Variants in NUP133 observed in about 807,000 individuals in gnomAD.
The protein encoded by NUP133 is nuclear pore complex protein Nup133.
A neutral mutation model predicts 146.2 loss-of-function variants in NUP133; 66 were observed. The ratio of observed to expected loss-of-function variants is 0.45; its 90% CI spans 0.37 to 0.55. The LOEUF (loss-of-function observed/expected upper bound fraction) is 0.55. Among genes scored for constraint, NUP133 ranks in the 20% least tolerant of loss-of-function variants. The probability of loss-of-function intolerance (pLI) is 0.00; values close to 1 mark genes in which losing one functional copy is unlikely to be tolerated. For synonymous variants in NUP133, 521 were observed against 498.8 expected, an observed-to-expected ratio of 1.04 and a Z score of -0.59; for missense variants, 1,277 against 1,374.8, an observed-to-expected ratio of 0.93 and a Z score of 1.12.
At chr1:229,504,070 G>C (rs1403046063) in intron 2 of NUP133, among the ~76,000 whole-genome samples, 1 of 151,962 alleles carries the variant, frequency 6.6e-6, no homozygotes, top group Non-Finnish European at 1.5e-5. Context: ...AGCTCCCAAG[G>C]ACCTACAGGC....
chr1:229,452,179 A>G (rs1660467264), intron 22 of NUP133, among the ~76,000 whole-genome samples: 1 of 152,120 alleles, frequency 6.6e-6, no homozygotes, highest in Admixed American at 6.5e-5. Flanking sequence ...TCCTTAATCC[A>G]TTTTTTCTTA....
In NUP133 at chr1:229,496,051, T is replaced by C. The variant is rs202080887; in HGVS notation, c.820-4A>G. The stretch of plus-strand genomic sequence containing the variant: ...TATCCCAGAGAACACTTGAAAGCTA[T>C]TCAGAAAAGAAAAGGAAGTCAAATT... On this transcript the variant is annotated splice_region_variant and splice_polypyrimidine_tract_variant and intron_variant, in intron 6 of 25. Coordinates refer to ENST00000261396, the MANE Select transcript of NUP133 (RefSeq NM_018230.3). 211 of 1,554,242 alleles carry C rather than the reference T, an allele frequency of 1.4e-4. No homozygotes were observed. In the African/African-American group the frequency reaches 2.5e-3, roughly 18 times the overall value.
At chr1:229,469,181 C>T (rs1558096113) in intron 15 of NUP133, among the ~76,000 whole-genome samples, 1 of 152,222 alleles carries the variant, frequency 6.6e-6, no homozygotes, top group Non-Finnish European at 1.5e-5. Context: ...CAGGGAAGAG[C>T]TGGCCCTGTT....
chr1:229,489,446 T>C (rs565191534), intron 9 of NUP133, among the ~76,000 whole-genome samples: 2 of 152,360 alleles, frequency 1.3e-5, no homozygotes, highest in African/African-American at 4.8e-5. Flanking sequence ...GTTGCTTCCA[T>C]TCTCATTTTT....
intron 11 of NUP133, among the ~76,000 whole-genome samples, chr1:229,486,085 C>G (rs1407734350): frequency 6.6e-6 from 1 of 152,086 alleles, no homozygotes; most frequent in Non-Finnish European, 1.5e-5. Flanking sequence ...CTGCTTGATC[C>G]CGGGAGGTTG....
intron 8 of NUP133, among the ~76,000 whole-genome samples, chr1:229,490,303 T>A (rs1247343460): frequency 1.3e-5 from 2 of 152,112 alleles, no homozygotes; most frequent in Non-Finnish European, 2.9e-5. Context: ...GTGGCTTTAT[T>A]CATAATTGCC....
intron 1 of NUP133, among the ~76,000 whole-genome samples, chr1:229,506,456 T>TG (rs1321374450): frequency 6.6e-6 from 1 of 151,642 alleles, no homozygotes; most frequent in Non-Finnish European, 1.5e-5. Flanking sequence ...AGTGTTTTTT[T>TG]TTTTTTTTTT....
chr1:229,505,575 A>AC (rs1661912668), intron 2 of NUP133, among the ~76,000 whole-genome samples: 1 of 147,222 alleles, frequency 6.8e-6, no homozygotes, highest in African/African-American at 2.5e-5. Flanking sequence ...AAAAAAAAAA[A>AC]AAAAAAAAAA....
At chr1:229,505,827 G>A (rs747658939) in intron 2 of NUP133, among the ~76,000 whole-genome samples, 13 of 152,124 alleles carry the variant, frequency 8.5e-5, no homozygotes, top group South Asian at 2.1e-4. Flanking sequence ...GGTGGTGGTT[G>A]CAGTGAGCTG....
intron 12 of NUP133, among the ~76,000 whole-genome samples, chr1:229,480,779 T>G (rs1022970086): frequency 4.0e-5 from 6 of 151,594 alleles, no homozygotes; most frequent in African/African-American, 1.2e-4. Flanking sequence ...CTCCGCCACC[T>G]GGGTTCAAGC....
chr1:229,477,474 T>G, intron 13 of NUP133, 123 bp downstream of exon 13: 1 of 746,262 alleles, frequency 1.3e-6, no homozygotes, highest in Non-Finnish European at 2.0e-6. Context: ...CACAATATTT[T>G]AAAAAATATT....
chr1:229,481,616 T>C (rs1454874861), intron 12 of NUP133, among the ~76,000 whole-genome samples: 1 of 151,452 alleles, frequency 6.6e-6, no homozygotes, highest in South Asian at 2.1e-4. Flanking sequence ...GAAGAATTGC[T>C]TGAACCAGGG....
intron 14 of NUP133, among the ~76,000 whole-genome samples, chr1:229,472,864 T>C (rs1226558529): frequency 6.6e-6 from 1 of 151,838 alleles, no homozygotes; most frequent in Non-Finnish European, 1.5e-5. Context: ...TTCTGAAGTG[T>C]TGGTGTTACT....
At chr1:229,502,326 G>A (rs564908602) in intron 2 of NUP133, among the ~76,000 whole-genome samples, 3 of 152,000 alleles carry the variant, frequency 2.0e-5, no homozygotes, top group Admixed American at 6.6e-5. Flanking sequence ...TTGGGAGGCC[G>A]AGGTGGGAGG....
Position 229,465,473 on chromosome 1 carries a change from A to G in NUP133, c.2246T>C (p.Leu749Ser). The change falls in exon 17 of 26, where the codon TTG becomes TCG. Residue 749 changes from leucine (L) to serine (S), a missense_variant. Leu to Ser is a moderately radical substitution (Grantham distance 145, BLOSUM62 -2). Coordinates refer to ENST00000261396, the MANE Select transcript of NUP133 (RefSeq NM_018230.3). Reference protein sequence around the residue: ...ASHYRQNRNSLYRREESLEKE... With the variant: ...ASHYRQNRNSSYRREESLEKE... ...TTCTAGTGATTCTTCTCTTCTATAC[A>G]AAGAGTTTCTATTTTGGCGATAATG... 1 of 1,614,034 alleles carries G rather than the reference A, an allele frequency of 6.2e-7. No homozygotes were observed. Among genetic ancestry groups the G allele is most frequent in the Non-Finnish European group, 8.5e-7 (1 of 1,179,932 alleles).
intron 8 of NUP133, among the ~76,000 whole-genome samples, chr1:229,493,158 A>T (rs573586373): frequency 2.6e-5 from 4 of 152,318 alleles, no homozygotes; most frequent in African/African-American, 9.6e-5. Flanking sequence ...GTAATCATCT[A>T]GTAAAATAAT....
At position 229,466,709 on chromosome 1, in the gene NUP133, C is replaced by T. The variant is rs114032980; in HGVS notation, c.2124G>A (p.Glu708=). 268 of 1,613,942 alleles carry T rather than the reference C, an allele frequency of 1.7e-4. No individual in the cohort carries two copies. In the African/African-American group the frequency reaches 3.0e-3, roughly 18 times the overall value. ...TICECLLEHE[E]QVLRDAPMDS... ...CCATAGGTGCATCCCTCAAGACTTG[C>T]TCCTCATGCTCCAGTAAGCACTCAC... Residue 708 remains glutamate (E), a synonymous_variant, in exon 16 of 26, where the codon GAG becomes GAA. Transcript: ENST00000261396.
rs183056565 is a variant in NUP133 at position 229,505,610 on chromosome 1, G to A, written c.301+430C>T. Among the ~76,000 whole-genome samples the A allele has an allele frequency of 3.6e-3, 505 of 141,704 alleles. 3 individuals carry two copies. Among genetic ancestry groups the A allele is most frequent in the South Asian group, 0.022 (99 of 4,480 alleles). The allele number at this position is 141,704 out of a possible 152,430, so 93.0% of individuals were successfully genotyped here. On this transcript the variant is annotated intron_variant, in intron 2 of 25. Coordinates refer to ENST00000261396, the MANE Select transcript of NUP133 (RefSeq NM_018230.3). The stretch of plus-strand genomic sequence containing the variant: ...AAAAAAAAACTAAGACAGGTGGCCA[G>A]ATGTGGTGGCTCACGCCTGTAATCC...
In NUP133 at chr1:229,460,654, T is replaced by C; in HGVS notation, c.2801A>G (p.His934Arg). Residue 934 changes from histidine (H) to arginine (R), a missense_variant, in exon 20 of 26, where the codon CAT becomes CGT. Coordinates refer to ENST00000261396, the MANE Select transcript of NUP133 (RefSeq NM_018230.3). ...ATTAATTTCATGTAACCAGCTGAGA[T>C]GTTCATGAGCTTGCAAAAAATTTGC... ...QLANFLQAHE[H>R]LSWLHEINSQ... is the part of the protein sequence containing the mutation. 1 of 1,614,098 alleles carries C rather than the reference T, an allele frequency of 6.2e-7. No individual in the cohort carries two copies. Among genetic ancestry groups the C allele is most frequent in the African/African-American group, 1.3e-5 (1 of 75,054 alleles).
Sources: gnomAD v4.1 joint callset for allele counts (sites outside exome capture counted in the v4.1 genomes callset) on GRCh38, gnomAD v4.1.1 for gene constraint, MANE v1.5 for transcripts, NCBI Gene and HGNC (gene_info 2026-07-23, HGNC 2026-07-21) for gene names.